FNDC3A: variants seen among roughly 807,000 people sequenced by gnomAD.
The protein encoded by FNDC3A is fibronectin type-III domain-containing protein 3A.
A neutral mutation model predicts 148.9 loss-of-function variants in FNDC3A; 32 were observed. That is an observed-to-expected ratio of 0.21 (90% CI 0.16 to 0.29). The LOEUF is 0.29. Among genes scored for constraint, FNDC3A ranks in the 10% least tolerant of loss-of-function variants. The pLI is 1.00. For missense variants in FNDC3A, 1,191 were observed against 1,452.8 expected (o/e 0.82, Z 2.93); for synonymous variants, 472 against 473.6 (o/e 1.00, Z 0.04).
At chr13:49,001,118 T>C (rs1289958881) in intron 1 of FNDC3A, among the ~76,000 whole-genome samples, 1 of 152,192 alleles carries the variant, frequency 6.6e-6, no homozygotes, top group Non-Finnish European at 1.5e-5. Context: ...GCTGAAGCCA[T>C]GGCAGAAGAA....
intron 7 of FNDC3A, among the ~76,000 whole-genome samples, chr13:49,143,433 ATGTT>A (rs1333010757): frequency 1.3e-5 from 2 of 152,136 alleles, no homozygotes; most frequent in South Asian, 4.1e-4. Flanking sequence ...TTTTAAAACT[ATGTT>A]TGCTAAATTC....
intron 3 of FNDC3A, among the ~76,000 whole-genome samples, chr13:49,098,282 T>G (rs1177303831): frequency 6.6e-6 from 1 of 152,108 alleles, no homozygotes; most frequent in Non-Finnish European, 1.5e-5. Context: ...TTGAGCAGTT[T>G]TTTTCAGTCT....
intron 2 of FNDC3A, among the ~76,000 whole-genome samples, chr13:49,016,533 T>A (rs1388838257): frequency 2.6e-5 from 4 of 152,226 alleles, no homozygotes; most frequent in Non-Finnish European, 5.9e-5. Flanking sequence ...TCAATCTTGT[T>A]GATCCTTTCA....
At position 49,207,109 on chromosome 13, in the gene FNDC3A, G is replaced by A. The variant is rs779723459; in HGVS notation, c.3311G>A (p.Arg1104Gln). 1.4e-5 allele frequency: 23 copies of A among 1,613,920 alleles called. No homozygotes were observed. In the Middle Eastern group the frequency reaches 5.0e-4, roughly 35 times the overall value. Residue 1104 changes from arginine (R) to glutamine (Q), a missense_variant, in exon 26 of 26, where the codon CGG becomes CAG. Transcript: ENST00000492622. ...TACAAGGGTCCCGACTCTTCCTTCC[G>A]GTATTCCAGCCTTCAGCTGAACTGT... ...QIYKGPDSSF[R>Q]YSSLQLNCEY...
chr13:49,041,095 C>T (rs1239446694), intron 2 of FNDC3A, among the ~76,000 whole-genome samples: 1 of 152,080 alleles, frequency 6.6e-6, no homozygotes, highest in African/African-American at 2.4e-5. Flanking sequence ...TTGGAGCTGG[C>T]CAAAAGTTTG....
At chr13:49,048,026 A>T (rs950153406) in intron 2 of FNDC3A, among the ~76,000 whole-genome samples, 3 of 152,132 alleles carry the variant, frequency 2.0e-5, no homozygotes, top group Non-Finnish European at 2.9e-5. Flanking sequence ...CTTGCCAATT[A>T]TTCCAACACT....
At chr13:49,170,523 G>T (rs972045038) in intron 10 of FNDC3A, among the ~76,000 whole-genome samples, 1 of 152,122 alleles carries the variant, frequency 6.6e-6, no homozygotes, top group Non-Finnish European at 1.5e-5. Flanking sequence ...ACTAAAGATG[G>T]TCTTTTTCTG....
intron 1 of FNDC3A, among the ~76,000 whole-genome samples, chr13:48,997,367 C>G (rs918957880): frequency 6.6e-6 from 1 of 152,116 alleles, no homozygotes; most frequent in Non-Finnish European, 1.5e-5. Context: ...TATAAGGAAA[C>G]AAGAACAGAT....
At chr13:49,110,320 C>G in intron 3 of FNDC3A, 2 of 1,545,870 alleles carry the variant, frequency 1.3e-6, no homozygotes, top group Non-Finnish European at 1.7e-6. Flanking sequence ...AAAAGCCGTT[C>G]TCCAATTAAA....
chr13:49,173,871 C>T (rs796468010), intron 11 of FNDC3A, among the ~76,000 whole-genome samples: 4 of 152,326 alleles, frequency 2.6e-5, no homozygotes, highest in African/African-American at 9.6e-5. Flanking sequence ...ATTTCTAAAA[C>T]TCTTTAGTTG....
At chr13:49,148,012 A>G (rs1450911750) in intron 8 of FNDC3A, among the ~76,000 whole-genome samples, 1 of 152,060 alleles carries the variant, frequency 6.6e-6, no homozygotes, top group Non-Finnish European at 1.5e-5. Flanking sequence ...CCTGTTGGCC[A>G]TTTGTATGTC....
chr13:49,194,735 A>C (rs1886064799), intron 19 of FNDC3A, among the ~76,000 whole-genome samples: 1 of 152,168 alleles, frequency 6.6e-6, no homozygotes, highest in African/African-American at 2.4e-5. Flanking sequence ...GCATTGCCTT[A>C]AACAAAATCA....
chr13:49,099,210 C>A (rs1879713431), intron 3 of FNDC3A, among the ~76,000 whole-genome samples: 2 of 152,046 alleles, frequency 1.3e-5, no homozygotes, highest in Non-Finnish European at 2.9e-5. Flanking sequence ...ATTTGGTTGA[C>A]CACCATTTTG....
At chr13:49,019,262 G>A (rs1440710842) in intron 2 of FNDC3A, among the ~76,000 whole-genome samples, 1 of 152,250 alleles carries the variant, frequency 6.6e-6, no homozygotes, top group Non-Finnish European at 1.5e-5. Context: ...AGACTCCGTG[G>A]GCGTAGGACC....
At chr13:49,187,416 C>T in intron 16 of FNDC3A, 1 of 1,031,538 alleles carries the variant, frequency 9.7e-7, no homozygotes, top group Non-Finnish European at 1.5e-6. Context: ...GTTTGATCCA[C>T]TTCCAGAGGC....
At chr13:49,117,172 G>T (rs117754905) in intron 4 of FNDC3A, among the ~76,000 whole-genome samples, 1 of 152,078 alleles carries the variant, frequency 6.6e-6, no homozygotes, top group Non-Finnish European at 1.5e-5. Flanking sequence ...CCGAGTTGAG[G>T]TTCTGTAATC....
At chr13:49,024,653 A>G (rs755126740) in intron 2 of FNDC3A, among the ~76,000 whole-genome samples, 1 of 152,010 alleles carries the variant, frequency 6.6e-6, no homozygotes, top group Non-Finnish European at 1.5e-5. Context: ...CTAGATGAAG[A>G]AAAAGTATTT....
At position 49,198,227 on chromosome 13, in the gene FNDC3A, C is replaced by T. The variant is rs748643498; in HGVS notation, c.2736C>T (p.Ser912=). 2.5e-6 allele frequency: 4 copies of T among 1,614,000 alleles called. No homozygotes were observed. The East Asian group carries it at 8.9e-5, about 36-fold the overall frequency. Residue 912 remains serine (S), a synonymous_variant, in exon 22 of 26, where the codon AGC becomes AGT. Coordinates refer to ENST00000492622, the MANE Select transcript of FNDC3A (RefSeq NM_001079673.2). ...CCCTAACAGTGGGAAAGGTTACAAGCTATATTATCAACAATTTGCAACCAG... is the reference window on the plus strand; with the variant it reads ...CCCTAACAGTGGGAAAGGTTACAAGTTATATTATCAACAATTTGCAACCAG... ...KQSLTVGKVT[S]YIINNLQPDT... is the part of the protein sequence containing the mutation.
At chr13:49,148,213 T>C (rs997333016) in intron 8 of FNDC3A, among the ~76,000 whole-genome samples, 3 of 152,152 alleles carry the variant, frequency 2.0e-5, no homozygotes, top group African/African-American at 7.2e-5. Context: ...TGCAAAAGTT[T>C]TAGTTTATTT....
Sources: allele counts gnomAD v4.1 joint callset (sites outside exome capture counted in the v4.1 genomes callset), GRCh38; gene constraint gnomAD v4.1.1; transcripts MANE v1.5; gene names NCBI Gene and HGNC (gene_info 2026-07-23, HGNC 2026-07-21).